The following HPN variants were observed in gnomAD, a reference collection of about 807,000 sequenced individuals.
The protein encoded by HPN is hepsin, also known as serine protease hepsin.
In HPN, 13 loss-of-function variants were observed where a neutral mutation model predicts 55.9. The ratio of observed to expected loss-of-function variants is 0.23; its 90% CI spans 0.15 to 0.37. The LOEUF (loss-of-function observed/expected upper bound fraction) is 0.37, where lower values mean the gene tolerates loss of function less well. Ranked by LOEUF, HPN falls within the 10% of genes least tolerant of loss-of-function variation. The pLI, the probability that HPN is intolerant of heterozygous loss-of-function variation, is 1.00. For missense variants in HPN, 451 were observed against 575.8 expected (o/e 0.78, Z 2.22); for synonymous variants, 225 against 240.3 (o/e 0.94, Z 0.59).
At chr19:35,065,123 A>G (rs2064588887) in intron 9 of HPN, 127 bp from the exon 10 acceptor site, 1 of 610,192 alleles carries the variant, frequency 1.6e-6, no homozygotes, top group South Asian at 2.1e-5. Context: ...TGCCCAGCCT[A>G]TTGTGGTTTT....
At chr19:35,050,898 C>T (rs375876474) in intron 4 of HPN, among the ~76,000 whole-genome samples, 94 of 127,292 alleles carry the variant, frequency 7.4e-4, no homozygotes, top group Non-Finnish European at 1.2e-3. Context: ...TTTTTTTTTT[C>T]TTTCTTTCTT....
chr19:35,058,985 A>G (rs1348667866), intron 4 of HPN: 1 of 156,202 alleles, frequency 6.4e-6, no homozygotes, highest in Admixed American at 6.1e-5. Flanking sequence ...CAAGTGCTGG[A>G]TTCTCTTGGG....
chr19:35,044,478 G>C (rs2064322277), intron 2 of HPN, among the ~76,000 whole-genome samples: 1 of 152,198 alleles, frequency 6.6e-6, no homozygotes, highest in Non-Finnish European at 1.5e-5. Flanking sequence ...GACCAGGCAG[G>C]GGTGGGACTG....
chr19:35,040,949 T>G (rs1367842109), upstream of HPN, among the ~76,000 whole-genome samples: 1 of 152,158 alleles, frequency 6.6e-6, no homozygotes, highest in Non-Finnish European at 1.5e-5. Context: ...CGAGGCCGAC[T>G]GTGTCCGGCG....
At chr19:35,044,648 T>A (rs1006102532) in intron 2 of HPN, among the ~76,000 whole-genome samples, 1 of 152,174 alleles carries the variant, frequency 6.6e-6, no homozygotes, top group Non-Finnish European at 1.5e-5. Context: ...GTGACCCACA[T>A]GGTTGTCTGA....
chr19:35,048,082 A>AAGAAAAGGAAGGAAGG (rs111546288), intron 2 of HPN, among the ~76,000 whole-genome samples: 5 of 96,984 alleles, frequency 5.2e-5, no homozygotes, highest in African/African-American at 2.0e-4. Flanking sequence ...GAAAGAAAGA[A>AAGAAAAGGAAGGAAGG]AAGGAAGGAA....
At chr19:35,065,740 G>C in intron 11 of HPN, 59 bp downstream of exon 11, 1 of 1,608,046 alleles carries the variant, frequency 6.2e-7, no homozygotes, top group South Asian at 1.1e-5. Context: ...TGGAGATGCA[G>C]GGGAGTGGGT....
intron 11 of HPN, 63 bp from the exon 12 acceptor site, chr19:35,065,804 TC>T: frequency 1.3e-6 from 2 of 1,516,958 alleles, no homozygotes; most frequent in Non-Finnish European, 1.8e-6. Flanking sequence ...GCCCATGTCA[TC>T]CCGGGGTGGG....
At position 35,065,359 on chromosome 19, in the gene HPN, T is replaced by C; in HGVS notation, c.907+14T>C. On this transcript the variant is annotated intron_variant, in intron 10 of 12. Transcript: ENST00000672452. ...CGCAGTACTATGGTGAGTCCTGTCCTCTGCCTCTGATGCCACCGTTTGGGA... is the reference window on the plus strand; with the variant it reads ...CGCAGTACTATGGTGAGTCCTGTCCCCTGCCTCTGATGCCACCGTTTGGGA... 6.2e-7 allele frequency: 1 copy of C among 1,603,806 alleles called. No individual in the cohort carries two copies.
chr19:35,056,557 A>G (rs1308700314), intron 4 of HPN, among the ~76,000 whole-genome samples: 2 of 152,092 alleles, frequency 1.3e-5, no homozygotes, highest in East Asian at 1.9e-4. Flanking sequence ...TTGCCCCCCA[A>G]CCAGCCCCAG....
intron 9 of HPN, 48 bp from the exon 10 acceptor site, chr19:35,065,202 A>G: frequency 1.5e-6 from 2 of 1,366,512 alleles, no homozygotes; most frequent in Non-Finnish European, 2.1e-6. Context: ...GGTTTGTACC[A>G]GGTGGGGCAG....
At position 35,060,875 on chromosome 19, in the gene HPN, G is replaced by A. The variant is rs914146925; in HGVS notation, c.811+58G>A. ...GACCCGAGGCCAGGAGGACAGAGGA[G>A]GGGACCAGGGGCACAAGGCAATCAA... On this transcript the variant is annotated intron_variant, in intron 9 of 12. Coordinates refer to ENST00000672452, the MANE Select transcript of HPN (RefSeq NM_001384133.1). 6.6e-5 allele frequency: 93 copies of A among 1,415,468 alleles called. No homozygotes were observed. In the African/African-American group the frequency reaches 1.1e-3, roughly 17 times the overall value. 87.7% of individuals were successfully genotyped at this position (1,415,468 alleles called of 1,614,324 possible).
chr19:35,052,128 G>A (rs147424603), intron 4 of HPN, among the ~76,000 whole-genome samples: 2 of 152,290 alleles, frequency 1.3e-5, no homozygotes, highest in Non-Finnish European at 2.9e-5. Flanking sequence ...AGTTCCTTCT[G>A]AGCTGTGGGG....
At chr19:35,046,808 TTTTA>T (rs1432764832) in intron 2 of HPN, among the ~76,000 whole-genome samples, 1 of 151,544 alleles carries the variant, frequency 6.6e-6, no homozygotes, top group Non-Finnish European at 1.5e-5. Context: ...AGGGGTTGGC[TTTTA>T]TTTATTTATG....
chr19:35,045,461 T>C (rs930700530), intron 2 of HPN, among the ~76,000 whole-genome samples: 2 of 152,012 alleles, frequency 1.3e-5, no homozygotes, highest in African/African-American at 4.8e-5. Context: ...GCCAAAGGTG[T>C]TACGCGTGGG....
chr19:35,054,402 A>C (rs2064434252), intron 4 of HPN, among the ~76,000 whole-genome samples: 4 of 147,088 alleles, frequency 2.7e-5, no homozygotes, highest in Admixed American at 1.4e-4. Flanking sequence ...TGAGCAACAG[A>C]GCAAGATTAT....
In HPN at chr19:35,060,642, GT is replaced by G; in HGVS notation, c.637del (p.Ser213ProfsTer81). On this transcript the variant is annotated frameshift_variant, in exon 9 of 13. Transcript: ENST00000672452. LOFTEE classifies it high-confidence loss of function. ...TCCCTGGTAGGCGGAACCGGGTCCTGTCCCGATGGCGAGTGTTTGCCGGTGC... is the reference window on the plus strand; with the variant it reads ...TCCCTGGTAGGCGGAACCGGGTCCTGCCCGATGGCGAGTGTTTGCCGGTGC... ...HCFPERNRVL[S>X]RWRVFAGAVA... The G allele has an allele frequency of 6.2e-7, 1 of 1,613,964 alleles. No homozygotes were observed. The highest frequency in any genetic ancestry group is 8.5e-7 in the Non-Finnish European group (1 of 1,180,038).
chr19:35,044,223 G>A (rs570463655), intron 2 of HPN, among the ~76,000 whole-genome samples: 13 of 152,318 alleles, frequency 8.5e-5, no homozygotes, highest in South Asian at 8.3e-4. Context: ...TGGCTGCAGC[G>A]GCTGCTGTTG....
chr19:35,060,815 C>A lies in HPN; in HGVS notation c.809C>A (p.Thr270Lys). The A allele has an allele frequency of 6.3e-7, 1 of 1,575,850 alleles. No homozygotes were observed. Among genetic ancestry groups the A allele is most frequent in the Non-Finnish European group, 8.6e-7 (1 of 1,159,526 alleles). The stretch of plus-strand genomic sequence containing the variant: ...CACCTCTCCAGTCCCCTGCCCCTCA[C>A]AGGTAAGTCTAAGGGCTGAGCCATG... ...LVHLSSPLPL[T>K]EYIQPVCLPA... The change falls in exon 9 of 13, where the codon ACA becomes AAA. Residue 270 changes from threonine (T) to lysine (K), a missense_variant and splice_region_variant. Around this residue, in one of 2 missense-constraint regions of HPN, gnomAD observed 378 missense variants for 445.5 expected, o/e 0.85. Coordinates refer to ENST00000672452, the MANE Select transcript of HPN (RefSeq NM_001384133.1).
Sources: gnomAD v4.1 joint callset for allele counts (sites outside exome capture counted in the v4.1 genomes callset) on GRCh38, gnomAD v4.1.1 for gene constraint, gnomAD v4.1.1 regional missense constraint, MANE v1.5 for transcripts, NCBI Gene and HGNC (gene_info 2026-07-23, HGNC 2026-07-21) for gene names.